Variants in IQCM observed in about 807,000 individuals in gnomAD.
IQCM encodes the protein IQ domain-containing protein M.
Under a neutral mutation model 57.6 loss-of-function variants are expected in IQCM, and 45 were observed. That is an observed-to-expected ratio of 0.78 (90% CI 0.62 to 1.00). The LOEUF (loss-of-function observed/expected upper bound fraction) is 1.00. IQCM is among the 50% of genes least tolerant of loss of function. The pLI, the probability that IQCM is intolerant of heterozygous loss-of-function variation, is 0.00. For missense variants in IQCM, 468 were observed against 511.6 expected, an observed-to-expected ratio of 0.91 and a Z score of 0.82; for synonymous variants, 148 against 158.9, an observed-to-expected ratio of 0.93 and a Z score of 0.51.
At chr4:149,495,638 C>T (rs902752829) in intron 12 of IQCM, among the ~76,000 whole-genome samples, 1 of 151,996 alleles carries the variant, frequency 6.6e-6, no homozygotes, top group Non-Finnish European at 1.5e-5. Context: ...GAAAAAGCTA[C>T]TTTGAGGAGG....
intron 9 of IQCM, among the ~76,000 whole-genome samples, chr4:149,567,333 C>T (rs1750727270): frequency 6.6e-6 from 1 of 151,796 alleles, no homozygotes; most frequent in African/African-American, 2.4e-5. Flanking sequence ...ATTCAAGTTC[C>T]AAATTTTATT....
rs967789777 is a variant in IQCM, at chr4:149,427,123, A to G, written c.1390+6273T>C. ...TTTTTGAAGTTCCTCATTTGAAAGC[A>G]TTCTATTTGACCCAGGAACCAACAA... On this transcript the variant is annotated intron_variant, in intron 13 of 13. Transcript: ENST00000636793. Among the ~76,000 whole-genome samples the G allele has an allele frequency of 2.6e-5, 4 of 151,812 alleles. No individual in the cohort carries two copies. In the East Asian group the frequency reaches 5.8e-4, roughly 22 times the overall value.
chr4:149,748,680 G>T (rs1018781276), intron 2 of IQCM: 1 of 152,134 alleles, frequency 6.6e-6, no homozygotes, highest in Non-Finnish European at 1.5e-5. Context: ...GGTCACTGAA[G>T]ATCAAAGCTT....
intron 2 of IQCM, among the ~76,000 whole-genome samples, chr4:149,761,186 T>C (rs1769476537): frequency 6.6e-6 from 1 of 152,154 alleles, no homozygotes; most frequent in Non-Finnish European, 1.5e-5. Context: ...CCTTCACATA[T>C]AACCTTATTA....
chr4:149,431,557 A>T (rs1172202938), intron 13 of IQCM, among the ~76,000 whole-genome samples: 2 of 151,960 alleles, frequency 1.3e-5, no homozygotes. Flanking sequence ...TGACTTATTT[A>T]TAATTATGTC....
At chr4:149,643,114 A>G (rs1431820492) in intron 7 of IQCM, among the ~76,000 whole-genome samples, 2 of 152,192 alleles carry the variant, frequency 1.3e-5, no homozygotes, top group African/African-American at 4.8e-5. Context: ...CAGACATAGG[A>G]ACAACAACAT....
chr4:149,728,990 A>G (rs938007075), intron 5 of IQCM, among the ~76,000 whole-genome samples: 1 of 152,228 alleles, frequency 6.6e-6, no homozygotes, highest in Non-Finnish European at 1.5e-5. Flanking sequence ...CCCAAAGCAT[A>G]TAGCATACAG....
chr4:149,567,065 C>G (rs1750703118), intron 9 of IQCM, among the ~76,000 whole-genome samples: 1 of 152,134 alleles, frequency 6.6e-6, no homozygotes, highest in South Asian at 2.1e-4. Context: ...TTGCTCTTAA[C>G]ATAGGGAAAA....
intron 2 of IQCM, among the ~76,000 whole-genome samples, chr4:149,752,973 T>C (rs1768600923): frequency 1.3e-5 from 2 of 151,384 alleles, no homozygotes; most frequent in African/African-American, 2.4e-5. Context: ...AATATCACTA[T>C]CAAAGGGGCA....
chr4:149,594,744 G>A (rs1753592665), intron 8 of IQCM, among the ~76,000 whole-genome samples: 2 of 152,182 alleles, frequency 1.3e-5, no homozygotes, highest in African/African-American at 2.4e-5. Flanking sequence ...AGGTTGTTCA[G>A]TTGCCATGTA....
chr4:149,369,449 TA>T (rs999444152), intron 13 of IQCM, among the ~76,000 whole-genome samples: 1 of 151,830 alleles, frequency 6.6e-6, no homozygotes, highest in African/African-American at 2.4e-5. Context: ...TTTTAAAACC[TA>T]AAAAAAATGT....
intron 9 of IQCM, among the ~76,000 whole-genome samples, chr4:149,568,519 C>T (rs1750847803): frequency 1.3e-5 from 2 of 152,088 alleles, no homozygotes; most frequent in South Asian, 4.1e-4. Context: ...GGTACAGTGG[C>T]TCCATGCCTG....
chr4:149,545,945 T>C (rs544143409), intron 12 of IQCM, among the ~76,000 whole-genome samples: 2 of 152,232 alleles, frequency 1.3e-5, no homozygotes, highest in African/African-American at 4.8e-5. Flanking sequence ...ATTAGGTATA[T>C]CTCCTAATGC....
At chr4:149,793,337 C>A (rs1207947913) in intron 2 of IQCM, among the ~76,000 whole-genome samples, 1 of 152,100 alleles carries the variant, frequency 6.6e-6, no homozygotes, top group Non-Finnish European at 1.5e-5. Context: ...GAGATATTTT[C>A]TATTTTTACT....
At chr4:149,378,278 G>T (rs764637763) in intron 13 of IQCM, among the ~76,000 whole-genome samples, 1 of 152,134 alleles carries the variant, frequency 6.6e-6, no homozygotes, top group Non-Finnish European at 1.5e-5. Context: ...ACCCAAAAAT[G>T]TGGAAGTGAC....
intron 12 of IQCM, among the ~76,000 whole-genome samples, chr4:149,446,261 G>A (rs1180119386): frequency 6.6e-6 from 1 of 151,564 alleles, no homozygotes; most frequent in Non-Finnish European, 1.5e-5. Flanking sequence ...TTATAAAAAA[G>A]CTGTCTTTAA....
At chr4:149,356,191 G>T (rs1352737014) in intron 13 of IQCM, among the ~76,000 whole-genome samples, 2 of 152,072 alleles carry the variant, frequency 1.3e-5, no homozygotes, top group Admixed American at 1.3e-4. Flanking sequence ...CCATTCTGTA[G>T]GTTGCCTGTT....
intron 12 of IQCM, among the ~76,000 whole-genome samples, chr4:149,547,012 G>A (rs954333221): frequency 1.3e-5 from 2 of 152,144 alleles, no homozygotes; most frequent in Non-Finnish European, 2.9e-5. Context: ...GTGTAAGGAA[G>A]GGATCCAGTT....
chr4:149,738,238 C>T (rs1328851623), intron 3 of IQCM, among the ~76,000 whole-genome samples: 1 of 152,186 alleles, frequency 6.6e-6, no homozygotes, highest in Non-Finnish European at 1.5e-5. Flanking sequence ...ATGTACACCT[C>T]ATGAGTACTG....
Sources: allele counts gnomAD v4.1 joint callset (sites outside exome capture counted in the v4.1 genomes callset), GRCh38; gene constraint gnomAD v4.1.1; transcripts MANE v1.5; gene names NCBI Gene and HGNC (gene_info 2026-07-23, HGNC 2026-07-21).